Variants in GLIS3 observed in about 807,000 individuals in gnomAD.
The protein encoded by GLIS3 is GLIS family zinc finger 3.
In GLIS3, 53 loss-of-function variants were observed where a neutral mutation model predicts 78.6. That is an observed-to-expected ratio of 0.67 (90% CI 0.54 to 0.85). GLIS3 has a LOEUF of 0.85. Ranked by LOEUF, GLIS3 falls within the 40% of genes least tolerant of loss-of-function variation. The probability of loss-of-function intolerance (pLI) is 0.00; values close to 1 mark genes in which losing one functional copy is unlikely to be tolerated. For synonymous variants in GLIS3, 684 were observed against 509.9 expected, an observed-to-expected ratio of 1.34 and a Z score of -4.60; for missense variants, 1,703 against 1,231.1, an observed-to-expected ratio of 1.38 and a Z score of -5.74.
intron 2 of GLIS3, chr9:4,144,717 G>C (rs996727594): frequency 6.6e-6 from 1 of 152,096 alleles, no homozygotes; most frequent in Non-Finnish European, 1.5e-5. Flanking sequence ...TTTATAAATG[G>C]TTAGAATTCA....
intron 2 of GLIS3, among the ~76,000 whole-genome samples, chr9:4,236,343 T>C (rs935245030): frequency 2.1e-4 from 32 of 152,194 alleles, no homozygotes; most frequent in African/African-American, 7.2e-4. Context: ...CCTTCACTTA[T>C]TAAAGTTGTG....
At chr9:4,486,864 A>AT in the GLIS3 span, among the ~76,000 whole-genome samples, 2 of 151,900 alleles carry the variant, frequency 1.3e-5, no homozygotes, top group South Asian at 2.1e-4. Context: ...TTATTTATTT[A>AT]TTTTTTTAAG....
the GLIS3 span, among the ~76,000 whole-genome samples, chr9:4,358,491 G>C: frequency 1.3e-5 from 2 of 152,310 alleles, no homozygotes; most frequent in East Asian, 1.9e-4. Flanking sequence ...GATGTTAGGA[G>C]TGGTGAATTA....
chr9:3,831,026 T>C (rs1818012762), intron 9 of GLIS3, among the ~76,000 whole-genome samples: 2 of 152,178 alleles, frequency 1.3e-5, no homozygotes, highest in Admixed American at 1.3e-4. Flanking sequence ...ATACTGGCCC[T>C]CTAGGAGTCT....
intron 4 of GLIS3, among the ~76,000 whole-genome samples, chr9:4,082,754 C>G (rs1429411186): frequency 6.6e-6 from 1 of 152,192 alleles, no homozygotes; most frequent in Non-Finnish European, 1.5e-5. Context: ...TTGTAACTCT[C>G]CACTCTTTAC....
In GLIS3 at chr9:4,025,685, C is replaced by G. The variant is rs533053793; in HGVS notation, c.1711-88496G>C. On this transcript the variant is annotated intron_variant, in intron 4 of 10. Coordinates refer to ENST00000381971, the MANE Select transcript of GLIS3 (RefSeq NM_001042413.2). ...ACAGGTGTGAGCCACTGTGCCTGGCCTGGCCCATGTTTTAGATCACATGAT... is the reference window on the plus strand; with the variant it reads ...ACAGGTGTGAGCCACTGTGCCTGGCGTGGCCCATGTTTTAGATCACATGAT... Among the ~76,000 whole-genome samples the G allele has an allele frequency of 7.9e-5, 12 of 152,300 alleles. No individual in the cohort carries two copies. In the East Asian group the frequency reaches 1.7e-3, roughly 22 times the overall value.
intron 2 of GLIS3, among the ~76,000 whole-genome samples, chr9:4,154,090 A>G (rs1278778966): frequency 6.6e-6 from 1 of 152,212 alleles, no homozygotes; most frequent in Non-Finnish European, 1.5e-5. Flanking sequence ...ACATGACTTG[A>G]GCTTCCCACA....
At chr9:4,249,459 C>T (rs1458203866) in intron 2 of GLIS3, among the ~76,000 whole-genome samples, 3 of 152,162 alleles carry the variant, frequency 2.0e-5, no homozygotes, top group Non-Finnish European at 4.4e-5. Flanking sequence ...GATTTCTGCA[C>T]ATTGATTTTG....
At chr9:4,397,664 G>T in the GLIS3 span, among the ~76,000 whole-genome samples, 1 of 83,280 alleles carries the variant, frequency 1.2e-5, no homozygotes, top group Non-Finnish European at 2.2e-5. Flanking sequence ...AAGGAAGGAA[G>T]GAAGGGAGGG....
chr9:4,380,482 A>T, the GLIS3 span, among the ~76,000 whole-genome samples: 1 of 152,234 alleles, frequency 6.6e-6, no homozygotes, highest in Non-Finnish European at 1.5e-5. Flanking sequence ...TAAAAATTTA[A>T]ATGTCAGAGC....
chr9:4,142,891 G>C (rs887842436), intron 2 of GLIS3, among the ~76,000 whole-genome samples: 5 of 152,072 alleles, frequency 3.3e-5, no homozygotes, highest in African/African-American at 1.2e-4. Flanking sequence ...GAAATTTTGA[G>C]AAATCAAATT....
At chr9:4,371,075 T>C in the GLIS3 span, among the ~76,000 whole-genome samples, 3 of 152,240 alleles carry the variant, frequency 2.0e-5, no homozygotes, top group Admixed American at 2.0e-4. Flanking sequence ...ACTTGTATTG[T>C]CTAAAATTCT....
chr9:4,320,364 G>T (rs1185164526), intron 2 of GLIS3, among the ~76,000 whole-genome samples: 7 of 151,870 alleles, frequency 4.6e-5, no homozygotes, highest in Non-Finnish European at 1.0e-4. Flanking sequence ...GAAGGAGGTG[G>T]GACTGAAAAG....
At chr9:3,918,100 G>T (rs540688965) in intron 6 of GLIS3, among the ~76,000 whole-genome samples, 1 of 152,278 alleles carries the variant, frequency 6.6e-6, no homozygotes, top group African/African-American at 2.4e-5. Flanking sequence ...AGGGCTAAAT[G>T]CAGACTGGCA....
At chr9:4,457,460 T>C in the GLIS3 span, among the ~76,000 whole-genome samples, 1 of 152,276 alleles carries the variant, frequency 6.6e-6, no homozygotes, top group East Asian at 1.9e-4. Flanking sequence ...GAGCTCTAGC[T>C]GAACATCTTT....
chr9:3,904,418 G>C (rs923156445), intron 6 of GLIS3, among the ~76,000 whole-genome samples: 9 of 152,270 alleles, frequency 5.9e-5, no homozygotes, highest in African/African-American at 1.9e-4. Context: ...TTTCTGACTT[G>C]TCAGCCCCCA....
intron 4 of GLIS3, among the ~76,000 whole-genome samples, chr9:3,941,694 T>TA (rs1324814747): frequency 6.6e-6 from 1 of 152,216 alleles, no homozygotes; most frequent in East Asian, 1.9e-4. Flanking sequence ...TGATAGAACT[T>TA]ACACTCATGG....
chr9:4,319,674 T>C (rs542566018), intron 2 of GLIS3, among the ~76,000 whole-genome samples: 2 of 152,212 alleles, frequency 1.3e-5, no homozygotes, highest in South Asian at 4.2e-4. Flanking sequence ...GGACTATAGG[T>C]GTTTGCCACC....
the GLIS3 span, among the ~76,000 whole-genome samples, chr9:4,378,217 T>C: frequency 6.6e-6 from 1 of 152,164 alleles, no homozygotes; most frequent in Non-Finnish European, 1.5e-5. Flanking sequence ...TATATATATA[T>C]AATTAATCCT....
Sources: gnomAD v4.1 joint callset for allele counts (sites outside exome capture counted in the v4.1 genomes callset) on GRCh38, gnomAD v4.1.1 for gene constraint, MANE v1.5 for transcripts, NCBI Gene and HGNC (gene_info 2026-07-23, HGNC 2026-07-21) for gene names.